The following STAU1 variants were observed in gnomAD, a reference collection of about 807,000 sequenced individuals.
The protein encoded by STAU1 is staufen double-stranded RNA binding protein 1, also known as double-stranded RNA-binding protein Staufen homolog 1.
STAU1 carries 13 observed loss-of-function variants against 62.9 expected under a neutral mutation model. The ratio of observed to expected loss-of-function variants is 0.21; its 90% CI spans 0.13 to 0.33. The LOEUF is 0.33. STAU1 is among the 10% of genes least tolerant of loss of function. The probability of loss-of-function intolerance (pLI) is 1.00; values close to 1 mark genes in which losing one functional copy is unlikely to be tolerated. For missense variants in STAU1, 571 were observed against 712.1 expected (o/e 0.80, Z 2.25); for synonymous variants, 269 against 265.1 (o/e 1.01, Z -0.14).
chr20:49,216,625 C>G, the STAU1 span, among the ~76,000 whole-genome samples: 2 of 152,092 alleles, frequency 1.3e-5, no homozygotes, highest in Non-Finnish European at 2.9e-5. Flanking sequence ...AGCTAATGAT[C>G]TGGGACTGAT....
At chr20:49,191,404 T>A (rs2093831077), upstream of STAU1, among the ~76,000 whole-genome samples, 1 of 152,184 alleles carries the variant, frequency 6.6e-6, no homozygotes, top group Admixed American at 6.6e-5. Flanking sequence ...TGAGTATATC[T>A]ATTAGGCTAG....
chr20:49,196,450 A>C, the STAU1 span, among the ~76,000 whole-genome samples: 1 of 150,508 alleles, frequency 6.6e-6, no homozygotes, highest in African/African-American at 2.4e-5. Context: ...AAAACAAAAA[A>C]AAAAAAAAAA....
chr20:49,160,553 T>C (rs187192272), intron 3 of STAU1, among the ~76,000 whole-genome samples: 4 of 152,354 alleles, frequency 2.6e-5, no homozygotes, highest in Admixed American at 2.6e-4. Flanking sequence ...AGTTCCAGAA[T>C]GTGCTGTTAA....
chr20:49,211,391 G>T, the STAU1 span, among the ~76,000 whole-genome samples: 1 of 149,878 alleles, frequency 6.7e-6, no homozygotes, highest in Non-Finnish European at 1.5e-5. Context: ...TTTTAATAGA[G>T]GCAGGGTCTC....
chr20:49,205,760 C>T, the STAU1 span, among the ~76,000 whole-genome samples: 8 of 151,726 alleles, frequency 5.3e-5, no homozygotes, highest in African/African-American at 1.7e-4. Context: ...TCACAAGCTC[C>T]GCCTCCTGGG....
chr20:49,218,391 A>AT, the STAU1 span, among the ~76,000 whole-genome samples: 215 of 150,786 alleles, frequency 1.4e-3, no homozygotes, highest in Middle Eastern at 0.01. Context: ...CGCCCGGCTA[A>AT]TTTTTTTGTA....
chr20:49,212,996 AT>A, the STAU1 span, among the ~76,000 whole-genome samples: 13,680 of 151,684 alleles, frequency 0.09, 759 homozygotes, highest in African/African-American at 0.17. Flanking sequence ...AAACTTTTTT[AT>A]TTTATTTTAT....
chr20:49,206,783 G>A, the STAU1 span, among the ~76,000 whole-genome samples: 1 of 123,780 alleles, frequency 8.1e-6, no homozygotes, highest in South Asian at 2.5e-4. Context: ...TTGAGACAGA[G>A]TCTGGCTCTG....
intron 5 of STAU1, 84 bp from the exon 6 acceptor site, chr20:49,136,015 C>A (rs1230621740): frequency 1.6e-5 from 17 of 1,044,372 alleles, no homozygotes. Context: ...AATCCCAGCA[C>A]TTTGAAGGCT....
At position 49,117,228 on chromosome 20, in the gene STAU1, G is replaced by C. The variant is rs1302219040; in HGVS notation, c.1530C>G (p.Pro510=). The C allele has an allele frequency of 2.5e-6, 4 of 1,614,108 alleles. No individual in the cohort carries two copies. The highest frequency in any genetic ancestry group is 1.7e-6 in the Non-Finnish European group (2 of 1,180,010). ...QGFQVEYKDF[P]KNNKNEFVSL... Reference sequence around the variant, plus strand: ...ATACAAATTCGTTCTTGTTGTTTTTGGGGAAGTCTTTGTATTCAACCTAAG... The same window carrying C: ...ATACAAATTCGTTCTTGTTGTTTTTCGGGAAGTCTTTGTATTCAACCTAAG... Residue 510 remains proline, a synonymous_variant, in exon 12 of 14, where the codon CCC becomes CCG. Transcript: ENST00000371856. The surrounding 1 kb of genome is among the most constrained non-coding windows in gnomAD (Gnocchi z 4.6).
chr20:49,146,705 CAAAAA>C (rs113862517), intron 5 of STAU1, among the ~76,000 whole-genome samples: 2 of 120,758 alleles, frequency 1.7e-5, no homozygotes, highest in Non-Finnish European at 3.5e-5. Context: ...ACCCTATCTC[CAAAAA>C]AAAAAAAAGG....
chr20:49,201,071 A>AG, the STAU1 span, among the ~76,000 whole-genome samples: 3 of 104,642 alleles, frequency 2.9e-5, no homozygotes, highest in Non-Finnish European at 4.0e-5. Context: ...AAAAAAAAAA[A>AG]AAGAAGAAGA....
chr20:49,161,512 G>A (rs79435081), intron 3 of STAU1, among the ~76,000 whole-genome samples: 1,803 of 152,198 alleles, frequency 0.012, 42 homozygotes, highest in African/African-American at 0.04. Flanking sequence ...AAAAAATAGA[G>A]AACATTCCAG....
In STAU1 at chr20:49,124,426, T is replaced by G. The variant is rs898561394; in HGVS notation, c.771A>C (p.Ala257=). The change falls in exon 7 of 14, where the codon GCA becomes GCC. Residue 257 remains alanine, a synonymous_variant. Coordinates refer to ENST00000371856, the MANE Select transcript of STAU1 (RefSeq NM_017453.4). ...EELKKLPPLP[A]VERVKPRIKK... is the part of the protein sequence containing the mutation. ...TGATTCTAGGCTTTACTCGTTCAAC[T>G]GCAGGCAGGGGCGGTAACTTCTTCA... 1 of 1,614,256 alleles carries G rather than the reference T, an allele frequency of 6.2e-7. No homozygotes were observed. The highest frequency in any genetic ancestry group is 8.5e-7 in the Non-Finnish European group (1 of 1,180,046).
rs781298679 is a variant in STAU1, at chr20:49,135,947, T to C, written c.511-16A>G. The stretch of plus-strand genomic sequence containing the variant: ...TTCCATTCACCTGTAAGAATAATTG[T>C]TTAGTAGTTAGCTCTTATTAAAATA... On this transcript the variant is annotated splice_polypyrimidine_tract_variant and intron_variant, in intron 5 of 13. Coordinates refer to ENST00000371856, the MANE Select transcript of STAU1 (RefSeq NM_017453.4). 4.4e-6 allele frequency: 7 copies of C among 1,595,860 alleles called. No homozygotes were observed. Among genetic ancestry groups the C allele is most frequent in the Non-Finnish European group, 6.0e-6 (7 of 1,165,406 alleles).
chr20:49,197,251 T>A, the STAU1 span, among the ~76,000 whole-genome samples: 1 of 140,664 alleles, frequency 7.1e-6, no homozygotes, highest in Non-Finnish European at 1.5e-5. Context: ...AGAATAATGA[T>A]CAGTAGTTAA....
the STAU1 span, among the ~76,000 whole-genome samples, chr20:49,193,693 C>T: frequency 7.3e-5 from 11 of 150,906 alleles, no homozygotes; most frequent in East Asian, 2.0e-4. Context: ...ACGGGCCGGG[C>T]GCGGTGGCTC....
chr20:49,154,095 A>C (rs2093315775), intron 3 of STAU1, 24 bp from the exon 4 acceptor site: 1 of 1,583,764 alleles, frequency 6.3e-7, no homozygotes, highest in Non-Finnish European at 8.5e-7. Flanking sequence ...TCGACAAAGA[A>C]CTGTTTTTTT....
At chr20:49,123,780 TA>T in intron 7 of STAU1, among the ~76,000 whole-genome samples, 1 of 152,312 alleles carries the variant, frequency 6.6e-6, no homozygotes, top group Non-Finnish European at 1.5e-5. Flanking sequence ...AAACAAAAGG[TA>T]TACATAGTAT....
Sources: gnomAD v4.1 joint callset for allele counts (sites outside exome capture counted in the v4.1 genomes callset) on GRCh38, gnomAD v4.1.1 for gene constraint, Gnocchi (gnomAD v3.1) non-coding constraint, MANE v1.5 for transcripts, NCBI Gene and HGNC (gene_info 2026-07-23, HGNC 2026-07-21) for gene names.